The following NSD1 variants were observed in gnomAD, a reference collection of about 807,000 sequenced individuals.
NSD1 encodes nuclear receptor binding SET domain protein 1.
A neutral mutation model predicts 242.7 loss-of-function variants in NSD1; 26 were observed. The ratio of observed to expected loss-of-function variants is 0.11; its 90% CI spans 0.08 to 0.15. The LOEUF is 0.15. Among genes scored for constraint, NSD1 ranks in the 10% least tolerant of loss-of-function variants. The probability of loss-of-function intolerance (pLI) is 1.00; values close to 1 mark genes in which losing one functional copy is unlikely to be tolerated. For missense variants in NSD1, 2,495 were observed against 3,272.8 expected (o/e 0.76, Z 5.80); for synonymous variants, 1,106 against 1,178.1 (o/e 0.94, Z 1.25).
At chr5:177,271,691 A>T (rs1212650815) in intron 16 of NSD1, among the ~76,000 whole-genome samples, 1 of 152,082 alleles carries the variant, frequency 6.6e-6, no homozygotes, top group Non-Finnish European at 1.5e-5. Context: ...TGGTTGGGGG[A>T]GTGTTGGGCT....
chr5:177,184,251 G>A (rs796975816), intron 2 of NSD1, among the ~76,000 whole-genome samples: 2 of 152,234 alleles, frequency 1.3e-5, no homozygotes, highest in Admixed American at 1.3e-4. Flanking sequence ...TACCAACAAC[G>A]TATGAGGGTT....
intron 21 of NSD1, among the ~76,000 whole-genome samples, chr5:177,290,574 A>AT (rs1432571076): frequency 6.6e-6 from 1 of 151,374 alleles, no homozygotes; most frequent in African/African-American, 2.4e-5. Flanking sequence ...CACCTGGCTA[A>AT]TTTTTTGTAT....
At chr5:177,231,244 C>T (rs931907911) in intron 5 of NSD1, among the ~76,000 whole-genome samples, 2 of 152,012 alleles carry the variant, frequency 1.3e-5, no homozygotes, top group Non-Finnish European at 2.9e-5. Flanking sequence ...TGCCACCACA[C>T]CTGGCTAATT....
chr5:177,210,695 T>C lies in NSD1; in HGVS notation c.2296T>C (p.Ser766Pro), dbSNP rs1763268254. ...NLSSSISSEN[S>P]LIKGGAANQA... ...GTCATCAAGCATATCCAGTGAGAAC[T>C]CGTTAATAAAGGGTGGGGCAGCAAA... is the stretch of plus-strand genomic sequence containing the variant. Residue 766 changes from serine to proline, a missense_variant, in exon 5 of 23, where the codon TCG (serine) becomes CCG (proline). Coordinates refer to ENST00000439151, the MANE Select transcript of NSD1 (RefSeq NM_022455.5). The C allele has an allele frequency of 6.2e-7, 1 of 1,614,058 alleles. No homozygotes were observed. Among genetic ancestry groups the C allele is most frequent in the South Asian group, 1.1e-5 (1 of 91,086 alleles).
intron 11 of NSD1, among the ~76,000 whole-genome samples, chr5:177,249,459 ATTT>A (rs1755730116): frequency 2.7e-5 from 4 of 148,064 alleles, no homozygotes; most frequent in Admixed American, 6.7e-5. Context: ...TTAATTAATT[ATTT>A]ATTTATTTAT....
rs769039412 is a variant in NSD1 at position 177,209,859 on chromosome 5, C to T, written c.1460C>T (p.Ala487Val). ...KSLAFDSEHS[A>V]DEKEKPCAKS... ...CTGGCTTTTGATTCTGAACATTCTG[C>T]AGATGAGAAGGAAAAGCCTTGCGCT... The change falls in exon 5 of 23, where the codon GCA becomes GTA. Residue 487 changes from alanine (A) to valine (V), a missense_variant. Physicochemically the swap from Ala to Val is moderately conservative, Grantham distance 64. Around this residue, in one of 19 missense-constraint regions of NSD1, gnomAD observed 515 missense variants for 467.0 expected, o/e 1.10. Transcript: ENST00000439151. 5 of 1,613,968 alleles carry T rather than the reference C, an allele frequency of 3.1e-6. No homozygotes were observed. The highest frequency in any genetic ancestry group is 2.2e-5 in the East Asian group (1 of 44,890).
rs571411586 is a variant in NSD1 at position 177,279,949 on chromosome 5, T to A, written c.5623-616T>A. 8.5e-4 allele frequency among the ~76,000 whole-genome samples: 128 copies of A among 150,238 alleles called. 1 individual carries two copies. The South Asian group carries it at 9.8e-3, about 12-fold the overall frequency. Reference sequence around the variant, plus strand: ...TTTTTTAAAATGAATTTCAAAAAAATTTTTAAAGTTCATATTTTATTTTAT... The same window carrying A: ...TTTTTTAAAATGAATTTCAAAAAAAATTTTAAAGTTCATATTTTATTTTAT... On this transcript the variant is annotated intron_variant, in intron 17 of 22. Transcript: ENST00000439151.
At chr5:177,245,671 T>C (rs1766222471) in intron 9 of NSD1, among the ~76,000 whole-genome samples, 1 of 151,492 alleles carries the variant, frequency 6.6e-6, no homozygotes, top group East Asian at 1.9e-4. Context: ...AGTCTGGCTC[T>C]GTTGCCCAGG....
intron 4 of NSD1, 141 bp from the exon 5 acceptor site, chr5:177,209,495 C>G: frequency 1.5e-6 from 1 of 661,480 alleles, no homozygotes; most frequent in Non-Finnish European, 2.5e-6. Context: ...TGCCACTGCA[C>G]TCCAGCCTGG....
intron 5 of NSD1, among the ~76,000 whole-genome samples, chr5:177,213,463 G>GT (rs927199404): frequency 6.6e-5 from 10 of 151,260 alleles, no homozygotes; most frequent in South Asian, 2.1e-4. Flanking sequence ...CTGCCTTCAG[G>GT]TTTTTTTTTC....
At chr5:177,289,588 GTCTT>G (rs1759614701) in intron 21 of NSD1, among the ~76,000 whole-genome samples, 1 of 152,056 alleles carries the variant, frequency 6.6e-6, no homozygotes, top group Non-Finnish European at 1.5e-5. Context: ...GTCTGTCCCT[GTCTT>G]TCTCTCACTT....
At chr5:177,200,355 CGCCTCGGCCTCCCAAGGTGCTGTCCT>C (rs1308775920) in intron 3 of NSD1, among the ~76,000 whole-genome samples, 3 of 151,838 alleles carry the variant, frequency 2.0e-5, no homozygotes, top group Non-Finnish European at 2.9e-5. Context: ...GTGATCCTCC[CGCCTCGGCCTCCCAAGGTGCTGTCCT>C]GCCTCAGCCT....
At chr5:177,259,089 C>T (rs975194176) in intron 13 of NSD1, among the ~76,000 whole-genome samples, 2 of 152,208 alleles carry the variant, frequency 1.3e-5, no homozygotes, top group Admixed American at 6.5e-5. Flanking sequence ...CCTGCCTTGG[C>T]CTCCCAAAGT....
At chr5:177,195,519 A>T (rs922612931) in intron 3 of NSD1, among the ~76,000 whole-genome samples, 1 of 152,156 alleles carries the variant, frequency 6.6e-6, no homozygotes, top group Non-Finnish European at 1.5e-5. Flanking sequence ...CCAGGCTAGA[A>T]TGCAGTGGCG....
Position 177,273,682 on chromosome 5 carries a change from A to T in NSD1, c.5520A>T (p.Glu1840Asp), listed in dbSNP as rs140815139. Residue 1840 changes from glutamate (E) to aspartate (D), a missense_variant, in exon 17 of 23, where the codon GAA becomes GAT. By Grantham distance (45) the Glu-to-Asp change is conservative. Coordinates refer to ENST00000439151, the MANE Select transcript of NSD1 (RefSeq NM_022455.5). ...VDGTYKKALQ[E>D]AAARFEELKA... ...TGTCTGTTTTCATAGCTCTTCAGGA[A>T]GCTGCAGCAAGGTTTGAGGAATTAA... The T allele has an allele frequency of 2.5e-6, 4 of 1,612,700 alleles. No homozygotes were observed. The highest frequency in any genetic ancestry group is 3.3e-5 in the Admixed American group (2 of 59,982).
In NSD1 at chr5:177,275,435, CTTTTTTTTTTTTT is replaced by C. The variant is rs749631943; in HGVS notation, c.5622+1665_5622+1677del. On this transcript the variant is annotated intron_variant, in intron 17 of 22. Transcript: ENST00000439151. ...TGTGATTCCATTGTGCTTCCCTTGT[CTTTTTTTTTTTTT>C]TTTTTTTTTTTTTGAGATGGAGTCG... 5.4e-4 allele frequency among the ~76,000 whole-genome samples: 27 copies of C among 50,144 alleles called. 1 individual carries two copies. In the East Asian group the frequency reaches 0.016, roughly 31 times the overall value. 32.9% of individuals were successfully genotyped at this position (50,144 alleles called of 152,430 possible).
chr5:177,289,008 GA>G, intron 21 of NSD1, 83 bp downstream of exon 21: 1 of 987,660 alleles, frequency 1.0e-6, no homozygotes. Flanking sequence ...TACATTTTAA[GA>G]AGAAATCTCT....
intron 5 of NSD1, among the ~76,000 whole-genome samples, chr5:177,216,181 C>A (rs1763757176): frequency 6.6e-6 from 1 of 152,134 alleles, no homozygotes; most frequent in Non-Finnish European, 1.5e-5. Context: ...ATTTTTAAAT[C>A]TTGTTATTTT....
chr5:177,170,119 G>A (rs908523608), intron 2 of NSD1, among the ~76,000 whole-genome samples: 16 of 151,440 alleles, frequency 1.1e-4, no homozygotes, highest in Non-Finnish European at 1.8e-4. Flanking sequence ...ACAGGCGCCC[G>A]CCACCACGCC....
Sources: gnomAD v4.1 joint callset for allele counts (sites outside exome capture counted in the v4.1 genomes callset) on GRCh38, gnomAD v4.1.1 for gene constraint, gnomAD v4.1.1 regional missense constraint, MANE v1.5 for transcripts, NCBI Gene and HGNC (gene_info 2026-07-23, HGNC 2026-07-21) for gene names.